Variants in CD33 observed in about 807,000 individuals in gnomAD.
CD33 encodes the protein myeloid cell surface antigen CD33.
Under a neutral mutation model 31.4 loss-of-function variants are expected in CD33, and 25 were observed. The observed-to-expected ratio is 0.80, with a 90% CI of 0.58 to 1.11. The LOEUF (loss-of-function observed/expected upper bound fraction) is 1.11. CD33 is among the 50% of genes most tolerant of loss of function. The pLI, the probability that CD33 is intolerant of heterozygous loss-of-function variation, is 0.00. For synonymous variants in CD33, 176 were observed against 180.6 expected, an observed-to-expected ratio of 0.97 and a Z score of 0.20; for missense variants, 407 against 448.1, an observed-to-expected ratio of 0.91 and a Z score of 0.83.
chr19:51,211,711 A>T, the CD33 span: 6 of 826,560 alleles, frequency 7.3e-6, no homozygotes, highest in Admixed American at 1.4e-4. Context: ...TCAGGGGAGG[A>T]CCCGGACCAG....
the CD33 span, among the ~76,000 whole-genome samples, chr19:51,213,092 G>C: frequency 6.6e-6 from 1 of 152,130 alleles, no homozygotes; most frequent in East Asian, 1.9e-4. Flanking sequence ...TGTGAAATAT[G>C]GCAAAATTTT....
chr19:51,222,607 T>C (rs562477581), upstream of CD33, among the ~76,000 whole-genome samples: 4 of 152,318 alleles, frequency 2.6e-5, no homozygotes, highest in African/African-American at 9.6e-5. Context: ...GGTCATAGGA[T>C]ACAGACACAA....
chr19:51,231,886 G>A, intron 4 of CD33, among the ~76,000 whole-genome samples: 1 of 152,102 alleles, frequency 6.6e-6, no homozygotes, highest in East Asian at 1.9e-4. Flanking sequence ...AACCTCCCAA[G>A]TAGCTGGGAC....
intron 4 of CD33, among the ~76,000 whole-genome samples, chr19:51,234,347 T>G (rs558724495): frequency 2.0e-4 from 31 of 152,166 alleles, no homozygotes; most frequent in Non-Finnish European, 4.0e-4. Flanking sequence ...TTTTACAGGC[T>G]TTTTAAAAAT....
At chr19:51,215,137 CA>C in the CD33 span, among the ~76,000 whole-genome samples, 1 of 152,090 alleles carries the variant, frequency 6.6e-6, no homozygotes, top group South Asian at 2.1e-4. Context: ...AGCACTGCCC[CA>C]GGGGAAGTGT....
chr19:51,236,098 T>C (rs1568436840), intron 6 of CD33: 2 of 466,046 alleles, frequency 4.3e-6, no homozygotes, highest in East Asian at 4.3e-5. Context: ...GCAGAGCTTG[T>C]AGTGAGCCGA....
At position 51,235,876 on chromosome 19, in the gene CD33, T is replaced by C. The variant is rs998171570; in HGVS notation, c.924+200T>C. On this transcript the variant is annotated intron_variant, in intron 6 of 6. Transcript: ENST00000262262. The stretch of plus-strand genomic sequence containing the variant: ...GATGGCCATTGAAAAGATAGTTTCT[T>C]GGCCGGGCACAGTGTTTCACACCTG... 1.5e-5 allele frequency: 11 copies of C among 709,736 alleles called. No homozygotes were observed. The Admixed American group carries it at 2.2e-4, about 14-fold the overall frequency. The allele number at this position is 709,736 out of a possible 1,614,324, so 44.0% of individuals were successfully genotyped here.
intron 5 of CD33, 170 bp downstream of exon 5, chr19:51,235,423 T>C: frequency 7.6e-7 from 1 of 1,314,940 alleles, no homozygotes; most frequent in Non-Finnish European, 1.0e-6. Flanking sequence ...AGGGCCCTGA[T>C]CTCAGATGTC....
chr19:51,211,881 G>A, the CD33 span: 2 of 1,431,484 alleles, frequency 1.4e-6, no homozygotes, highest in South Asian at 2.3e-5. Context: ...CTCGGCCTGT[G>A]AGCAGGGGAC....
intron 4 of CD33, among the ~76,000 whole-genome samples, chr19:51,230,460 G>A (rs1397969770): frequency 6.6e-6 from 1 of 152,182 alleles, no homozygotes; most frequent in Non-Finnish European, 1.5e-5. Flanking sequence ...GTGGGGCGTT[G>A]AAGTCCTCAA....
chr19:51,226,163 T>TGAGGGTGTAGGGGAGACA, intron 3 of CD33, 82 bp downstream of exon 3: 1 of 1,550,378 alleles, frequency 6.5e-7, no homozygotes, highest in South Asian at 1.2e-5. Flanking sequence ...TTTAGTGTCC[T>TGAGGGTGTAGGGGAGACA]GGAGGCCTGG....
At chr19:51,226,826 AG>A (rs1981072789) in intron 4 of CD33, among the ~76,000 whole-genome samples, 1 of 151,364 alleles carries the variant, frequency 6.6e-6, no homozygotes, top group Non-Finnish European at 1.5e-5. Context: ...CTTCCTTTCC[AG>A]GTGTAATCTA....
rs770256473 is a variant in CD33, at chr19:51,239,550, C to A, written c.957C>A (p.Pro319=). 1.9e-6 allele frequency: 3 copies of A among 1,611,908 alleles called. No individual in the cohort carries two copies. In the South Asian group the frequency reaches 3.3e-5, roughly 18 times the overall value. The change falls in exon 7 of 7, where the codon CCC becomes CCA. Residue 319 remains proline (P), a synonymous_variant. Coordinates refer to ENST00000262262, the MANE Select transcript of CD33 (RefSeq NM_001772.4). ...KHQKKSKLHG[P]TETSSCSGAA... ...AGAAGAAGTCCAAGTTACATGGCCC[C>A]ACTGAAACCTCAAGCTGTTCAGGTG...
In CD33 at chr19:51,226,053, G is replaced by A. The variant is rs750832576; in HGVS notation, c.669G>A (p.Thr223=). 1.7e-5 allele frequency: 28 copies of A among 1,613,944 alleles called. No individual in the cohort carries two copies. The highest frequency in any genetic ancestry group is 3.3e-4 in the Middle Eastern group (2 of 6,084). Reference sequence around the variant, plus strand: ...AGTTCGCTGGAGCTGGTGTGACTACGGAGAGAACCATCCAGCTCAACGTCA... The same window carrying A: ...AGTTCGCTGGAGCTGGTGTGACTACAGAGAGAACCATCCAGCTCAACGTCA... ...QVKFAGAGVT[T]ERTIQLNVTY... The change falls in exon 3 of 7, where the codon ACG becomes ACA. Residue 223 remains threonine, a synonymous_variant. Transcript: ENST00000262262.
chr19:51,232,591 T>C (rs771895801), intron 4 of CD33, among the ~76,000 whole-genome samples: 1 of 152,212 alleles, frequency 6.6e-6, no homozygotes, highest in African/African-American at 2.4e-5. Context: ...CTTCGTTCTA[T>C]TTTATTCTCT....
intron 3 of CD33, 33 bp from the exon 4 acceptor site, chr19:51,226,276 C>A (rs952089213): frequency 1.9e-6 from 3 of 1,606,328 alleles, no homozygotes; most frequent in Non-Finnish European, 2.6e-6. Context: ...ATCTCTACCC[C>A]CAACTGAAGG....
chr19:51,226,200 A>G, intron 3 of CD33, 109 bp from the exon 4 acceptor site: 1 of 1,487,552 alleles, frequency 6.7e-7, no homozygotes, highest in Non-Finnish European at 9.3e-7. Flanking sequence ...GAAGGACATG[A>G]GCCCTGTCCC....
At chr19:51,230,324 C>CA (rs55934751) in intron 4 of CD33, among the ~76,000 whole-genome samples, 152,325 of 152,326 alleles carry the variant, frequency 1, 76,162 homozygotes, top group Middle Eastern at 1. Flanking sequence ...CTGATGAAAC[C>CA]ATGTGTATTC....
intron 4 of CD33, among the ~76,000 whole-genome samples, chr19:51,233,178 G>A (rs900449189): frequency 2.0e-5 from 3 of 152,202 alleles, no homozygotes; most frequent in South Asian, 2.1e-4. Context: ...TCTGGGCACC[G>A]TAAGGCTGTT....
Sources: allele counts gnomAD v4.1 joint callset (sites outside exome capture counted in the v4.1 genomes callset), GRCh38; gene constraint gnomAD v4.1.1; transcripts MANE v1.5; gene names NCBI Gene and HGNC (gene_info 2026-07-23, HGNC 2026-07-21).